The following PCDH9 variants were observed in gnomAD, a reference collection of about 807,000 sequenced individuals.
PCDH9 encodes protocadherin-9.
A neutral mutation model predicts 70.6 loss-of-function variants in PCDH9; 24 were observed. The ratio of observed to expected loss-of-function variants is 0.34; its 90% CI spans 0.25 to 0.48. The LOEUF is 0.48. Among genes scored for constraint, PCDH9 ranks in the 20% least tolerant of loss-of-function variants. PCDH9 has a pLI of 0.99. For synonymous variants in PCDH9, 562 were observed against 558.5 expected (o/e 1.01, Z -0.09); for missense variants, 1,281 against 1,503.6 (o/e 0.85, Z 2.45).
intron 2 of PCDH9, chr13:66,991,087 T>C (rs1458642250): frequency 6.6e-6 from 1 of 152,064 alleles, no homozygotes; most frequent in Non-Finnish European, 1.5e-5. Flanking sequence ...ACATCTCATC[T>C]GGACCAGAGT....
intron 4 of PCDH9, among the ~76,000 whole-genome samples, chr13:66,500,119 C>T (rs1959168764): frequency 1.3e-5 from 2 of 152,226 alleles, no homozygotes; most frequent in African/African-American, 4.8e-5. Context: ...AGATATTTTC[C>T]TCTTCTATTT....
At chr13:66,914,348 C>G (rs910067034) in intron 2 of PCDH9, 9 of 151,934 alleles carry the variant, frequency 5.9e-5, no homozygotes, top group African/African-American at 1.9e-4. Context: ...AAGCTTCAAA[C>G]TAATATAACT....
chr13:66,834,255 T>C (rs2080978929), intron 3 of PCDH9, among the ~76,000 whole-genome samples: 1 of 147,314 alleles, frequency 6.8e-6, no homozygotes, highest in East Asian at 2.1e-4. Flanking sequence ...TCCCCCGAGC[T>C]CAAGCAATTT....
At chr13:66,503,135 C>T (rs1426024023) in intron 4 of PCDH9, among the ~76,000 whole-genome samples, 1 of 152,170 alleles carries the variant, frequency 6.6e-6, no homozygotes, top group Non-Finnish European at 1.5e-5. Flanking sequence ...TTATTATCTA[C>T]AATGTGTAAT....
At chr13:66,566,946 AGAT>A (rs1387001434) in intron 4 of PCDH9, among the ~76,000 whole-genome samples, 3 of 152,156 alleles carry the variant, frequency 2.0e-5, no homozygotes, top group Non-Finnish European at 4.4e-5. Context: ...CTGTGGAAGG[AGAT>A]GATAACATCA....
At chr13:67,023,169 C>A (rs1182888355) in intron 2 of PCDH9, among the ~76,000 whole-genome samples, 4 of 148,066 alleles carry the variant, frequency 2.7e-5, no homozygotes, top group East Asian at 3.9e-4. Flanking sequence ...TTTTTTTTAG[C>A]CTTCATAGCT....
chr13:66,592,428 A>G (rs994561736), intron 4 of PCDH9, among the ~76,000 whole-genome samples: 1 of 151,766 alleles, frequency 6.6e-6, no homozygotes, highest in Non-Finnish European at 1.5e-5. Flanking sequence ...TTCAGAGTGC[A>G]GTACTACTGA....
chr13:66,989,761 C>G (rs1213633904), intron 2 of PCDH9, among the ~76,000 whole-genome samples: 1 of 151,888 alleles, frequency 6.6e-6, no homozygotes, highest in Non-Finnish European at 1.5e-5. Context: ...CTTGGTATAG[C>G]AGCCACTTCC....
At chr13:66,391,823 G>A (rs887735773) in intron 4 of PCDH9, among the ~76,000 whole-genome samples, 5 of 150,186 alleles carry the variant, frequency 3.3e-5, no homozygotes, top group Non-Finnish European at 7.4e-5. Flanking sequence ...TAAATCTAAT[G>A]TACAATTTGT....
chr13:66,811,004 AC>A (rs1273941913), intron 3 of PCDH9, among the ~76,000 whole-genome samples: 1 of 152,120 alleles, frequency 6.6e-6, no homozygotes, highest in East Asian at 1.9e-4. Flanking sequence ...ATTACATTGA[AC>A]CTTTTCTTTT....
intron 3 of PCDH9, among the ~76,000 whole-genome samples, chr13:66,765,030 CTCTCTCTT>C (rs2079691211): frequency 1.4e-5 from 2 of 143,272 alleles, no homozygotes; most frequent in Non-Finnish European, 3.1e-5. Flanking sequence ...CTCTTTCGCT[CTCTCTCTT>C]TCTGTGTCTT....
intron 3 of PCDH9, among the ~76,000 whole-genome samples, chr13:66,801,833 A>G (rs545531761): frequency 6.6e-6 from 1 of 152,078 alleles, no homozygotes; most frequent in Non-Finnish European, 1.5e-5. Context: ...CATTAAAAAA[A>G]TCTATACAGC....
chr13:66,622,398 G>A (rs533817862), intron 4 of PCDH9, among the ~76,000 whole-genome samples: 2 of 152,330 alleles, frequency 1.3e-5, no homozygotes, highest in East Asian at 3.9e-4. Flanking sequence ...ACTGGGTGAA[G>A]CTAGCTGGGC....
At chr13:66,333,107 A>C (rs1482377428) in intron 4 of PCDH9, among the ~76,000 whole-genome samples, 1 of 152,014 alleles carries the variant, frequency 6.6e-6, no homozygotes, top group Non-Finnish European at 1.5e-5. Context: ...TGCAAGGAAG[A>C]CTTTCTTACT....
intron 3 of PCDH9, among the ~76,000 whole-genome samples, chr13:66,821,962 T>C (rs1471232735): frequency 6.6e-6 from 1 of 152,192 alleles, no homozygotes; most frequent in African/African-American, 2.4e-5. Flanking sequence ...TATATGAACA[T>C]TGCTTTTGTA....
chr13:66,704,025 G>A (rs955046952), intron 3 of PCDH9, among the ~76,000 whole-genome samples: 6 of 152,082 alleles, frequency 3.9e-5, no homozygotes, highest in South Asian at 2.1e-4. Context: ...TATACATGCC[G>A]CGTGGTTCAT....
intron 2 of PCDH9, among the ~76,000 whole-genome samples, chr13:67,079,243 T>C (rs1473405457): frequency 6.6e-6 from 1 of 152,024 alleles, no homozygotes; most frequent in African/African-American, 2.4e-5. Flanking sequence ...TCAGGATACA[T>C]TTCAGCACAT....
At chr13:66,432,282 T>G (rs904844997) in intron 4 of PCDH9, among the ~76,000 whole-genome samples, 3 of 151,826 alleles carry the variant, frequency 2.0e-5, no homozygotes, top group Non-Finnish European at 4.4e-5. Flanking sequence ...GCAGACCCAA[T>G]AGAAGAATAT....
intron 3 of PCDH9, among the ~76,000 whole-genome samples, chr13:66,678,162 C>A (rs1011074860): frequency 3.3e-5 from 5 of 152,068 alleles, no homozygotes; most frequent in African/African-American, 9.7e-5. Flanking sequence ...TTTCCTTCCA[C>A]CTATTCCTGA....
Sources: gnomAD v4.1 joint callset for allele counts (sites outside exome capture counted in the v4.1 genomes callset) on GRCh38, gnomAD v4.1.1 for gene constraint, MANE v1.5 for transcripts, NCBI Gene and HGNC (gene_info 2026-07-23, HGNC 2026-07-21) for gene names.